Variants in PRKG2 observed in about 807,000 individuals in gnomAD.
PRKG2 encodes the protein cGMP-dependent protein kinase 2.
Under a neutral mutation model 97.2 loss-of-function variants are expected in PRKG2, and 33 were observed. That is an observed-to-expected ratio of 0.34 (90% CI 0.26 to 0.45). The LOEUF is 0.45. Among genes scored for constraint, PRKG2 ranks in the 20% least tolerant of loss-of-function variants. The pLI is 1.00. For missense variants in PRKG2, 638 were observed against 900.0 expected, an observed-to-expected ratio of 0.71 and a Z score of 3.73; for synonymous variants, 330 against 321.8, an observed-to-expected ratio of 1.03 and a Z score of -0.27.
intron 14 of PRKG2, among the ~76,000 whole-genome samples, chr4:81,116,046 T>C (rs182714744): frequency 1.3e-5 from 2 of 152,298 alleles, no homozygotes; most frequent in East Asian, 3.9e-4. Flanking sequence ...TTAACTTTTA[T>C]TTTAGGTCCA....
chr4:81,144,254 C>T lies in PRKG2; in HGVS notation c.1231G>A (p.Asp411Asn). 6.2e-7 allele frequency: 1 copy of T among 1,611,096 alleles called. No individual in the cohort carries two copies. Among genetic ancestry groups the T allele is most frequent in the Middle Eastern group, 1.7e-4 (1 of 6,054 alleles). The change falls in exon 10 of 19, where the codon GAT becomes AAT. Residue 411 changes from aspartate (D) to asparagine (N), a missense_variant. This residue lies in a region of PRKG2 where 304 missense variants were observed against 460.5 expected (regional missense o/e 0.66). Coordinates refer to ENST00000264399, the MANE Select transcript of PRKG2 (RefSeq NM_006259.3). Reference sequence around the variant, plus strand: ...TACTTCGCATGTCTTTTTTCATCATCACGGTTCAGGTTTGCCACATATCCT... The same window carrying T: ...TACTTCGCATGTCTTTTTTCATCATTACGGTTCAGGTTTGCCACATATCCT... ...LEGYVANLNR[D>N]DEKRHAKRSM...
At chr4:81,203,030 G>A (rs1276802181) in intron 2 of PRKG2, among the ~76,000 whole-genome samples, 2 of 151,520 alleles carry the variant, frequency 1.3e-5, no homozygotes, top group African/African-American at 2.4e-5. Context: ...TTATACTTAC[G>A]TGTACATATA....
intron 3 of PRKG2, 102 bp downstream of exon 3, chr4:81,174,691 T>A: frequency 2.4e-6 from 3 of 1,227,122 alleles, no homozygotes; most frequent in Non-Finnish European, 3.4e-6. Context: ...TGTTATGTTT[T>A]CTACAAATAG....
chr4:81,101,083 T>G (rs1304374348), intron 17 of PRKG2, among the ~76,000 whole-genome samples: 4 of 151,732 alleles, frequency 2.6e-5, no homozygotes, highest in African/African-American at 9.7e-5. Flanking sequence ...CTGGAGAGGA[T>G]GTGGAGAAAT....
chr4:81,115,073 T>C (rs1320050256), intron 14 of PRKG2, among the ~76,000 whole-genome samples: 1 of 152,148 alleles, frequency 6.6e-6, no homozygotes, highest in East Asian at 1.9e-4. Flanking sequence ...CAATCGTGTA[T>C]TATTGCAAAA....
chr4:81,130,292 C>CCG (rs1383571773), intron 14 of PRKG2, among the ~76,000 whole-genome samples: 3 of 152,258 alleles, frequency 2.0e-5, no homozygotes, highest in African/African-American at 7.2e-5. Flanking sequence ...ACTCCAGACC[C>CCG]CGTATGCCTT....
chr4:81,103,836 G>C (rs1385798258), intron 17 of PRKG2, among the ~76,000 whole-genome samples: 1 of 152,022 alleles, frequency 6.6e-6, no homozygotes, highest in Admixed American at 6.6e-5. Flanking sequence ...TTTGAGACCA[G>C]CCTGGCCAAC....
At chr4:81,209,615 G>C (rs1753864968) in intron 1 of PRKG2, among the ~76,000 whole-genome samples, 1 of 152,118 alleles carries the variant, frequency 6.6e-6, no homozygotes, top group South Asian at 2.1e-4. Context: ...AGGATTAAAT[G>C]AGATAAATCA....
At chr4:81,129,241 T>C (rs992670811) in intron 14 of PRKG2, among the ~76,000 whole-genome samples, 2 of 152,134 alleles carry the variant, frequency 1.3e-5, no homozygotes, top group Non-Finnish European at 2.9e-5. Context: ...ATGTGGTCGA[T>C]TTTAGAATAA....
At chr4:81,129,590 C>T (rs980001478) in intron 14 of PRKG2, among the ~76,000 whole-genome samples, 4 of 151,970 alleles carry the variant, frequency 2.6e-5, no homozygotes, top group African/African-American at 9.7e-5. Context: ...CTATGTAATG[C>T]CCTTCTTTGT....
intron 14 of PRKG2, among the ~76,000 whole-genome samples, chr4:81,128,439 C>T (rs1335469239): frequency 3.9e-5 from 6 of 152,084 alleles, no homozygotes; most frequent in African/African-American, 1.2e-4. Flanking sequence ...TGTTAGAATT[C>T]GGCTGTGAAT....
At chr4:81,092,100 T>G (rs968374652) in intron 18 of PRKG2, among the ~76,000 whole-genome samples, 2 of 152,158 alleles carry the variant, frequency 1.3e-5, no homozygotes, top group African/African-American at 4.8e-5. Flanking sequence ...ACATCAAATT[T>G]ATACAGTCAT....
At chr4:81,133,926 C>T (rs921949086) in intron 14 of PRKG2, among the ~76,000 whole-genome samples, 7 of 151,822 alleles carry the variant, frequency 4.6e-5, no homozygotes, top group Admixed American at 3.3e-4. Context: ...GTCTGCATCC[C>T]TCATGTTGGT....
chr4:81,191,284 G>A (rs2110112305), intron 2 of PRKG2, among the ~76,000 whole-genome samples: 1 of 152,204 alleles, frequency 6.6e-6, no homozygotes, highest in South Asian at 2.1e-4. Context: ...TCCCTTGGAG[G>A]GACATGGATG....
At chr4:81,177,943 C>T (rs1020634914) in intron 2 of PRKG2, among the ~76,000 whole-genome samples, 1 of 151,760 alleles carries the variant, frequency 6.6e-6, no homozygotes, top group Non-Finnish European at 1.5e-5. Flanking sequence ...CAGGCAGCTA[C>T]TGAACACAGT....
At chr4:81,115,798 A>G (rs1177201066) in intron 14 of PRKG2, among the ~76,000 whole-genome samples, 1 of 152,206 alleles carries the variant, frequency 6.6e-6, no homozygotes, top group African/African-American at 2.4e-5. Flanking sequence ...ATAAAAAGCC[A>G]TATTACCTAT....
chr4:81,106,711 G>C (rs1316070709), intron 15 of PRKG2, among the ~76,000 whole-genome samples: 1 of 152,192 alleles, frequency 6.6e-6, no homozygotes, highest in Non-Finnish European at 1.5e-5. Flanking sequence ...AAATTCATTT[G>C]TTGAAACCCT....
intron 14 of PRKG2, 83 bp from the exon 15 acceptor site, chr4:81,110,694 G>T: frequency 1.4e-6 from 2 of 1,431,270 alleles, no homozygotes; most frequent in South Asian, 1.2e-5. Context: ...TCTGAAATCT[G>T]CTTTCTACAC....
At chr4:81,190,298 G>C (rs570155904) in intron 2 of PRKG2, among the ~76,000 whole-genome samples, 1 of 152,268 alleles carries the variant, frequency 6.6e-6, no homozygotes, top group African/African-American at 2.4e-5. Flanking sequence ...TCTGATCTTT[G>C]ACAAACAAGC....
Sources: gnomAD v4.1 joint callset for allele counts (sites outside exome capture counted in the v4.1 genomes callset) on GRCh38, gnomAD v4.1.1 for gene constraint, gnomAD v4.1.1 regional missense constraint, MANE v1.5 for transcripts, NCBI Gene and HGNC (gene_info 2026-07-23, HGNC 2026-07-21) for gene names.